STK32B: variants seen among roughly 807,000 people sequenced by gnomAD.
The protein encoded by STK32B is serine/threonine-protein kinase 32B.
Under a neutral mutation model 52.6 loss-of-function variants are expected in STK32B, and 43 were observed. That is an observed-to-expected ratio of 0.82 (90% CI 0.64 to 1.05). STK32B has a LOEUF of 1.05. Ranked by LOEUF, STK32B falls within the 50% of genes least tolerant of loss-of-function variation. The probability of loss-of-function intolerance (pLI) is 0.00; values close to 1 mark genes in which losing one functional copy is unlikely to be tolerated. For missense variants in STK32B, 621 were observed against 534.6 expected (o/e 1.16, Z -1.59); for synonymous variants, 238 against 204.3 (o/e 1.17, Z -1.41).
chr4:5,029,542 G>C, the STK32B span, among the ~76,000 whole-genome samples: 1 of 152,122 alleles, frequency 6.6e-6, no homozygotes, highest in Non-Finnish European at 1.5e-5. Context: ...GAGACCTAGG[G>C]CTGTAAGCAA....
In STK32B at chr4:5,396,556, T is replaced by G. The variant is rs1736933670; in HGVS notation, c.435-1651T>G. 6.6e-6 allele frequency among the ~76,000 whole-genome samples: 1 copy of G among 152,160 alleles called. No homozygotes were observed. Among genetic ancestry groups the G allele is most frequent in the South Asian group, 2.1e-4 (1 of 4,818 alleles). On this transcript the variant is annotated intron_variant, in intron 4 of 11. Transcript: ENST00000282908. The surrounding 1 kb of genome is among the most constrained non-coding windows in gnomAD (Gnocchi z 4.7). ...TCTTCTTGGGTCTGTCACCCCACCC[T>G]CACCTCACCTGTGTCCTGACTCTAA... is the stretch of plus-strand genomic sequence containing the variant.
At chr4:5,105,748 A>G (rs1042698382) in intron 1 of STK32B, among the ~76,000 whole-genome samples, 11 of 151,800 alleles carry the variant, frequency 7.2e-5, no homozygotes, top group African/African-American at 2.2e-4. Context: ...TATTTTTAAT[A>G]GAGACAGGGT....
chr4:5,370,982 A>ATGTGTG (rs1337439381), intron 4 of STK32B, among the ~76,000 whole-genome samples: 5 of 109,364 alleles, frequency 4.6e-5, no homozygotes, highest in East Asian at 2.5e-4. Context: ...AAATATATAT[A>ATGTGTG]TATGTGTGTG....
Position 5,499,308 on chromosome 4 carries a change from C to G in STK32B, c.*225C>G, listed in dbSNP as rs1211558216. ...CTCTCTGTGCCTCCGTTTTCTGCAT[C>G]TGCCAAAGGGGTTAAACACTTCTGC... On this transcript the variant is annotated 3_prime_UTR_variant, in exon 12 of 12. Coordinates refer to ENST00000282908, the MANE Select transcript of STK32B (RefSeq NM_018401.3). The G allele has an allele frequency of 2.1e-6, 1 of 474,738 alleles. No individual in the cohort carries two copies. The highest frequency in any genetic ancestry group is 2.0e-5 in the African/African-American group (1 of 50,110). 29.4% of individuals were successfully genotyped at this position (474,738 alleles called of 1,614,324 possible).
chr4:5,264,064 A>G (rs1000403468), intron 3 of STK32B, among the ~76,000 whole-genome samples: 1 of 152,220 alleles, frequency 6.6e-6, no homozygotes, highest in African/African-American at 2.4e-5. Context: ...ATTCTTCGAT[A>G]GATACACATG....
chr4:5,329,979 G>C (rs1234207165), intron 3 of STK32B, among the ~76,000 whole-genome samples: 1 of 152,164 alleles, frequency 6.6e-6, no homozygotes, highest in East Asian at 1.9e-4. Flanking sequence ...CCCCAGGGCT[G>C]CACACCCAGG....
intron 3 of STK32B, among the ~76,000 whole-genome samples, chr4:5,190,839 C>A (rs767097949): frequency 2.0e-5 from 3 of 152,026 alleles, no homozygotes; most frequent in Non-Finnish European, 4.4e-5. Context: ...AAGGCAGGTA[C>A]TATTATAGAT....
intron 3 of STK32B, among the ~76,000 whole-genome samples, chr4:5,254,375 G>T (rs56795925): frequency 0.1 from 15,511 of 148,984 alleles, 2,174 homozygotes; most frequent in African/African-American, 0.34. Context: ...TTGTTTATTT[G>T]TTTTTATTTC....
intron 2 of STK32B, among the ~76,000 whole-genome samples, chr4:5,152,530 A>G (rs1717455011): frequency 6.6e-6 from 1 of 152,230 alleles, no homozygotes; most frequent in Non-Finnish European, 1.5e-5. Flanking sequence ...CAGCCAATAA[A>G]GGGTTTCTGA....
chr4:5,226,632 A>G (rs1242683073), intron 3 of STK32B, among the ~76,000 whole-genome samples: 1 of 152,190 alleles, frequency 6.6e-6, no homozygotes, highest in Non-Finnish European at 1.5e-5. Context: ...GAGTTTTTCA[A>G]TCCTTATTTC....
intron 5 of STK32B, among the ~76,000 whole-genome samples, chr4:5,401,857 G>C (rs1199518156): frequency 1.3e-5 from 2 of 152,238 alleles, no homozygotes; most frequent in Non-Finnish European, 2.9e-5. Context: ...TCCTGGGGTT[G>C]AGGGACTCTA....
chr4:5,337,679 A>G (rs1732798160), intron 4 of STK32B, among the ~76,000 whole-genome samples: 1 of 152,152 alleles, frequency 6.6e-6, no homozygotes, highest in African/African-American at 2.4e-5. Flanking sequence ...TAGCTGGTAA[A>G]GAATCTGAAG....
At chr4:5,027,319 T>C in the STK32B span, among the ~76,000 whole-genome samples, 1 of 152,152 alleles carries the variant, frequency 6.6e-6, no homozygotes, top group Non-Finnish European at 1.5e-5. Flanking sequence ...AGAGATTCCT[T>C]CATAAGCCCC....
chr4:5,317,263 T>TATATA (rs1731093313), intron 3 of STK32B, among the ~76,000 whole-genome samples: 1 of 25,588 alleles, frequency 3.9e-5, no homozygotes, highest in African/African-American at 2.1e-4. Context: ...ACATATAACA[T>TATATA]ATATATAATA....
Position 5,394,160 on chromosome 4 carries a change from A to T in STK32B, c.435-4047A>T, listed in dbSNP as rs1033155220. Among the ~76,000 whole-genome samples, 3 of 152,142 alleles carry T rather than the reference A, an allele frequency of 2.0e-5. No individual in the cohort carries two copies. Among genetic ancestry groups the T allele is most frequent in the Non-Finnish European group, 4.4e-5 (3 of 68,014 alleles). Reference sequence around the variant, plus strand: ...TCTATGCTGTTTTTTAAAATATCCCAGCTGACATTTTATGCTTTGTTTTAT... The same window carrying T: ...TCTATGCTGTTTTTTAAAATATCCCTGCTGACATTTTATGCTTTGTTTTAT... On this transcript the variant is annotated intron_variant, in intron 4 of 11. Transcript: ENST00000282908. The surrounding 1 kb of genome is among the most constrained non-coding windows in gnomAD (Gnocchi z 4.2).
the STK32B span, among the ~76,000 whole-genome samples, chr4:5,022,002 C>G: frequency 1.3e-5 from 2 of 152,104 alleles, no homozygotes; most frequent in African/African-American, 2.4e-5. Context: ...GAGGGTGCCT[C>G]GTGCTGATTC....
At chr4:5,387,245 A>G (rs1292687065) in intron 4 of STK32B, among the ~76,000 whole-genome samples, 1 of 152,110 alleles carries the variant, frequency 6.6e-6, no homozygotes, top group Non-Finnish European at 1.5e-5. Context: ...CCTCATGACA[A>G]ATTTACAGAC....
intron 3 of STK32B, among the ~76,000 whole-genome samples, chr4:5,176,004 G>A (rs556143799): frequency 6.6e-6 from 1 of 152,198 alleles, no homozygotes; most frequent in East Asian, 1.9e-4. Context: ...GCAATGGTGG[G>A]CGCCCCTCCC....
chr4:5,249,771 T>C (rs1725782531), intron 3 of STK32B, among the ~76,000 whole-genome samples: 1 of 152,122 alleles, frequency 6.6e-6, no homozygotes, highest in African/African-American at 2.4e-5. Context: ...TTGTTTTTGT[T>C]TTTCTTTTAG....
Sources: gnomAD v4.1 joint callset for allele counts (sites outside exome capture counted in the v4.1 genomes callset) on GRCh38, gnomAD v4.1.1 for gene constraint, Gnocchi (gnomAD v3.1) non-coding constraint, MANE v1.5 for transcripts, NCBI Gene and HGNC (gene_info 2026-07-23, HGNC 2026-07-21) for gene names.